The following EHMT1 variants were observed in gnomAD, a reference collection of about 807,000 sequenced individuals.
EHMT1 encodes the protein euchromatic histone lysine methyltransferase 1.
A neutral mutation model predicts 147.2 loss-of-function variants in EHMT1; 15 were observed. That is an observed-to-expected ratio of 0.10 (90% CI 0.07 to 0.16). EHMT1 has a LOEUF of 0.16. Among genes scored for constraint, EHMT1 ranks in the 10% least tolerant of loss-of-function variants. The pLI, the probability that EHMT1 is intolerant of heterozygous loss-of-function variation, is 1.00. For missense variants in EHMT1, 1,587 were observed against 1,772.4 expected (o/e 0.90, Z 1.88); for synonymous variants, 795 against 709.6 (o/e 1.12, Z -1.91).
chr9:137,787,521 A>G lies in EHMT1; in HGVS notation c.2383-3327A>G, dbSNP rs1176350291. 22 of 351,882 alleles carry G rather than the reference A, an allele frequency of 6.3e-5. No individual in the cohort carries two copies. The highest frequency in any genetic ancestry group is 1.1e-5 in the Non-Finnish European group (2 of 188,006). 21.8% of individuals were successfully genotyped at this position (351,882 alleles called of 1,614,324 possible). ...GCTCGGCCACGGCCACACGTGGGGT[A>G]GTTAGTAAACACCATGGACTCCCAG... On this transcript the variant is annotated intron_variant, in intron 15 of 26. Transcript: ENST00000460843. The surrounding 1 kb of genome is among the most constrained non-coding windows in gnomAD (Gnocchi z 4.2).
chr9:137,728,191 T>C (rs896416022), intron 3 of EHMT1, among the ~76,000 whole-genome samples, 158 bp from the exon 4 acceptor site: 2 of 152,240 alleles, frequency 1.3e-5, no homozygotes, highest in East Asian at 3.8e-4. Flanking sequence ...TGAGGACAGC[T>C]GTGCTGTTTC....
Position 137,787,742 on chromosome 9 carries a change from A to T in EHMT1, c.2383-3106A>T. ...CCAGGGTGCCACCGAAACATCGTAG[A>T]TGCTTTTGTTGGGTGACACACCCTG... On this transcript the variant is annotated intron_variant, in intron 15 of 26. Coordinates refer to ENST00000460843, the MANE Select transcript of EHMT1 (RefSeq NM_024757.5). This position sits in a 1 kb window ranked among gnomAD's most constrained non-coding sequence, Gnocchi z 4.2. 1 of 772,046 alleles carries T rather than the reference A, an allele frequency of 1.3e-6. No homozygotes were observed. Among genetic ancestry groups the T allele is most frequent in the Non-Finnish European group, 2.3e-6 (1 of 437,502 alleles). 47.8% of individuals were successfully genotyped at this position (772,046 alleles called of 1,614,324 possible).
chr9:137,715,714 G>C, intron 2 of EHMT1: 1 of 985,444 alleles, frequency 1.0e-6, no homozygotes. Context: ...TGTCATCGGA[G>C]AGTGAGCCTC....
chr9:137,744,026 C>T lies in EHMT1; in HGVS notation c.1106C>T (p.Ala369Val), dbSNP rs1277424441. 15 of 1,613,972 alleles carry T rather than the reference C, an allele frequency of 9.3e-6. No homozygotes were observed. Among genetic ancestry groups the T allele is most frequent in the African/African-American group, 1.3e-5 (1 of 74,916 alleles). The change falls in exon 6 of 27, where the codon GCG (alanine) becomes GTG (valine). Residue 369 changes from alanine (A) to valine (V), a missense_variant. Transcript: ENST00000460843. ...DDGHGAEQAA[A>V]FPTEDSRTSK... ...GGCCATGGTGCAGAGCAGGCGGCCG[C>T]GTTCCCCACAGAGGACAGCAGGACT...
At chr9:137,631,081 T>C (rs1364907554) in intron 1 of EHMT1, among the ~76,000 whole-genome samples, 1 of 152,132 alleles carries the variant, frequency 6.6e-6, no homozygotes, top group Non-Finnish European at 1.5e-5. Flanking sequence ...GACAGTTACA[T>C]GGTTCAAAAT....
intron 24 of EHMT1, 139 bp downstream of exon 24, chr9:137,817,664 C>G (rs1955028331): frequency 1.8e-6 from 2 of 1,111,496 alleles, no homozygotes; most frequent in Non-Finnish European, 2.6e-6. Flanking sequence ...CCACAGAGAC[C>G]CTGGCCCCGA....
At chr9:137,752,437 G>A (rs1232867528) in intron 7 of EHMT1, 29 bp downstream of exon 7, 14 of 1,608,684 alleles carry the variant, frequency 8.7e-6, no homozygotes, top group Non-Finnish European at 7.6e-6. Context: ...TCCTGCGTCT[G>A]TGCTGATGTA....
chr9:137,631,538 A>G (rs1012769050), intron 1 of EHMT1, among the ~76,000 whole-genome samples: 1 of 152,176 alleles, frequency 6.6e-6, no homozygotes, highest in Non-Finnish European at 1.5e-5. Flanking sequence ...ACTTAAGGAC[A>G]TTTTGGTCCG....
chr9:137,665,659 G>A (rs913531271), intron 1 of EHMT1, among the ~76,000 whole-genome samples: 2 of 152,202 alleles, frequency 1.3e-5, no homozygotes, highest in Non-Finnish European at 2.9e-5. Context: ...AATCCTGAGA[G>A]GCCCTACGAG....
intron 15 of EHMT1, among the ~76,000 whole-genome samples, chr9:137,789,737 GT>G (rs1435298271): frequency 6.6e-6 from 1 of 152,130 alleles, no homozygotes; most frequent in East Asian, 1.9e-4. Context: ...GTTTTGTTTT[GT>G]TTTGTTTTTG....
At chr9:137,684,540 G>A (rs1232146060) in intron 1 of EHMT1, among the ~76,000 whole-genome samples, 4 of 152,036 alleles carry the variant, frequency 2.6e-5, no homozygotes, top group Admixed American at 2.6e-4. Context: ...CACCCATGTT[G>A]GAGTGCAGTG....
At chr9:137,696,850 C>G (rs1943434582) in intron 1 of EHMT1, among the ~76,000 whole-genome samples, 1 of 152,176 alleles carries the variant, frequency 6.6e-6, no homozygotes, top group South Asian at 2.1e-4. Context: ...AATACCAGAT[C>G]AGTTCCAGGG....
At chr9:137,668,569 G>T (rs1589175670) in intron 1 of EHMT1, among the ~76,000 whole-genome samples, 1 of 152,134 alleles carries the variant, frequency 6.6e-6, no homozygotes, top group South Asian at 2.1e-4. Flanking sequence ...CAGAACATTT[G>T]TATCATCCTG....
In EHMT1 at chr9:137,776,602, G is replaced by A; in HGVS notation, c.1792-16G>A. ...CCAATTAAAACAAAAATTTTTTTTT[G>A]TCCTCCCATTTTTAGGGTAATTTTA... On this transcript the variant is annotated splice_polypyrimidine_tract_variant and intron_variant, in intron 11 of 26. Transcript: ENST00000460843. This position sits in a 1 kb window ranked among gnomAD's most constrained non-coding sequence, Gnocchi z 4.4. The A allele has an allele frequency of 6.2e-7, 1 of 1,609,780 alleles. No homozygotes were observed. The highest frequency in any genetic ancestry group is 8.5e-7 in the Non-Finnish European group (1 of 1,178,586).
intron 1 of EHMT1, among the ~76,000 whole-genome samples, chr9:137,630,770 T>G (rs1843575178): frequency 6.6e-6 from 1 of 152,018 alleles, no homozygotes; most frequent in Non-Finnish European, 1.5e-5. Flanking sequence ...GTGATTTGGG[T>G]GAGGTCTGTA....
rs757859040 is a variant in EHMT1 at position 137,716,823 on chromosome 9, G to A, written c.283G>A (p.Gly95Arg). 2.5e-6 allele frequency: 4 copies of A among 1,613,338 alleles called. No individual in the cohort carries two copies. Among genetic ancestry groups the A allele is most frequent in the Non-Finnish European group, 3.4e-6 (4 of 1,179,898 alleles). Residue 95 changes from glycine (G) to arginine (R), a missense_variant, in exon 3 of 27, where the codon GGG becomes AGG. Gly to Arg is a moderately radical substitution (Grantham distance 125). Around this residue, in one of 7 missense-constraint regions of EHMT1, gnomAD observed 810 missense variants for 673.0 expected, o/e 1.20. Transcript: ENST00000460843. ...CACACTAACTCGGATAGCGGAAAAT[G>A]GGGTTTCAGAAAGAGACTCAGAAGC... ...TNTLTRIAENGVSERDSEAAK... is the reference protein window; with the variant it reads ...TNTLTRIAENRVSERDSEAAK...
intron 2 of EHMT1, chr9:137,715,769 C>G (rs1945156948): frequency 1.0e-6 from 1 of 985,256 alleles, no homozygotes; most frequent in Non-Finnish European, 1.2e-6. Flanking sequence ...CAAGTATAAG[C>G]CCTTTTTCTG....
At chr9:137,689,985 T>C (rs1942796406) in intron 1 of EHMT1, among the ~76,000 whole-genome samples, 2 of 152,162 alleles carry the variant, frequency 1.3e-5, no homozygotes, top group Non-Finnish European at 2.9e-5. Flanking sequence ...ACGCATAGGC[T>C]CTCAGAAAGA....
chr9:137,675,694 C>T (rs1941202065), intron 1 of EHMT1, among the ~76,000 whole-genome samples: 1 of 148,706 alleles, frequency 6.7e-6, no homozygotes, highest in Non-Finnish European at 1.5e-5. Context: ...TCACTGCAAC[C>T]TCCACCTCCC....
Sources: allele counts gnomAD v4.1 joint callset (sites outside exome capture counted in the v4.1 genomes callset), GRCh38; gene constraint gnomAD v4.1.1; regional missense constraint gnomAD v4.1.1; non-coding constraint Gnocchi (gnomAD v3.1); transcripts MANE v1.5; gene names NCBI Gene and HGNC (gene_info 2026-07-23, HGNC 2026-07-21).